DCDC2C: variants seen among roughly 807,000 people sequenced by gnomAD.
DCDC2C encodes doublecortin domain-containing protein 2C.
A neutral mutation model predicts 45.0 loss-of-function variants in DCDC2C; 44 were observed. The ratio of observed to expected loss-of-function variants is 0.98; its 90% CI spans 0.77 to 1.26. DCDC2C has a LOEUF of 1.26. Ranked by LOEUF, DCDC2C falls within the 50% of genes most tolerant of loss-of-function variation. DCDC2C has a pLI of 0.00. For missense variants in DCDC2C, 447 were observed against 468.9 expected (o/e 0.95, Z 0.43); for synonymous variants, 187 against 178.8 (o/e 1.05, Z -0.37).
In DCDC2C at chr2:3,813,063, ATATATTT is replaced by A. The variant is rs1449058374; in HGVS notation, c.1065+27965_1065+27971del. Among the ~76,000 whole-genome samples the A allele has an allele frequency of 7.1e-4, 12 of 16,794 alleles. 1 individual carries two copies. In the South Asian group the frequency reaches 8.9e-3, roughly 12 times the overall value. The allele number at this position is 16,794 out of a possible 152,430, so 11.0% of individuals were successfully genotyped here. On this transcript the variant is annotated intron_variant, in intron 10 of 10. Coordinates refer to ENST00000399143, the MANE Select transcript of DCDC2C (RefSeq NM_001287444.2). ...CGTATATATATATATATATATATAT[ATATATTT>A]TTTTTTTTTTGCTGTTTTTGAGATG...
At chr2:3,717,161 G>A (rs532256064) in intron 2 of DCDC2C, among the ~76,000 whole-genome samples, 1 of 151,930 alleles carries the variant, frequency 6.6e-6, no homozygotes, top group African/African-American at 2.4e-5. Flanking sequence ...TTCTCTTCTA[G>A]TTCAGGCCAC....
chr2:3,720,817 A>G (rs1460834026), intron 2 of DCDC2C, among the ~76,000 whole-genome samples: 1 of 152,178 alleles, frequency 6.6e-6, no homozygotes, highest in Non-Finnish European at 1.5e-5. Flanking sequence ...GGTATTTGGA[A>G]GATCTTGTCT....
chr2:3,813,850 G>T (rs1487376478), intron 10 of DCDC2C, among the ~76,000 whole-genome samples: 1 of 150,770 alleles, frequency 6.6e-6, no homozygotes, highest in Non-Finnish European at 1.5e-5. Flanking sequence ...ATGCTGATGA[G>T]TCTTGACTCT....
chr2:3,745,106 C>G (rs1485000984), intron 4 of DCDC2C, among the ~76,000 whole-genome samples: 1 of 152,172 alleles, frequency 6.6e-6, no homozygotes, highest in African/African-American at 2.4e-5. Context: ...ATGCCTCAGC[C>G]TCTGGAGTAC....
intron 4 of DCDC2C, among the ~76,000 whole-genome samples, chr2:3,750,697 C>T (rs77400370): frequency 0.026 from 3,952 of 152,222 alleles, 85 homozygotes; most frequent in Non-Finnish European, 0.04. Context: ...TGTCTGCCGG[C>T]GAGTTTTCCT....
At chr2:3,716,545 C>T (rs1668355333) in intron 2 of DCDC2C, among the ~76,000 whole-genome samples, 2 of 151,954 alleles carry the variant, frequency 1.3e-5, no homozygotes, top group South Asian at 2.1e-4. Context: ...GAGTTTTGCT[C>T]TAAAGGAAGG....
chr2:3,812,996 G>A (rs928158472), intron 10 of DCDC2C, among the ~76,000 whole-genome samples: 2 of 149,758 alleles, frequency 1.3e-5, no homozygotes, highest in East Asian at 2.0e-4. Flanking sequence ...TTCCAATTAT[G>A]TGGTCGATTT....
intron 2 of DCDC2C, among the ~76,000 whole-genome samples, chr2:3,717,165 A>G (rs888687838): frequency 6.6e-6 from 1 of 151,922 alleles, no homozygotes; most frequent in Non-Finnish European, 1.5e-5. Flanking sequence ...CTTCTAGTTC[A>G]GGCCACCCCC....
intron 9 of DCDC2C, among the ~76,000 whole-genome samples, chr2:3,782,481 C>CTT (rs35616710): frequency 2.1e-5 from 3 of 143,590 alleles, no homozygotes; most frequent in Non-Finnish European, 3.1e-5. Context: ...TTCTTCAGTT[C>CTT]TTTTTTTTTT....
At chr2:3,827,233 G>A (rs1230688966) in intron 10 of DCDC2C, among the ~76,000 whole-genome samples, 2 of 152,130 alleles carry the variant, frequency 1.3e-5, no homozygotes, top group Admixed American at 6.5e-5. Flanking sequence ...CTGCCTGAAG[G>A]CTACATATGG....
chr2:3,815,258 C>T lies in DCDC2C; in HGVS notation c.1065+30158C>T, dbSNP rs79663602. 1.8e-3 allele frequency among the ~76,000 whole-genome samples: 273 copies of T among 152,376 alleles called. 5 individuals are homozygous for T. The East Asian group carries it at 0.044, about 25-fold the overall frequency. ...GCTGGGTAGCACGCTCACTCACTGC[C>T]TCCCTTTGCTGGTGGGGAGGGGGCT... On this transcript the variant is annotated intron_variant, in intron 10 of 10. Coordinates refer to ENST00000399143, the MANE Select transcript of DCDC2C (RefSeq NM_001287444.2).
intron 1 of DCDC2C, among the ~76,000 whole-genome samples, chr2:3,706,522 G>C (rs1668068658): frequency 6.6e-6 from 1 of 151,076 alleles, no homozygotes; most frequent in African/African-American, 2.4e-5. Flanking sequence ...TCTAAATCAG[G>C]GTGTTGTGTA....
In DCDC2C at chr2:3,708,291, C is replaced by T. The variant is rs116507885; in HGVS notation, c.288-258C>T. 3.7e-3 allele frequency among the ~76,000 whole-genome samples: 556 copies of T among 152,196 alleles called. 7 individuals carry two copies. The highest frequency in any genetic ancestry group is 0.011 in the African/African-American group (448 of 41,518). On this transcript the variant is annotated intron_variant, in intron 1 of 10. Transcript: ENST00000399143. The stretch of plus-strand genomic sequence containing the variant: ...CTCAGGTTTCTCTTTAATAAAATTA[C>T]GTGAGGGAAAGCAATGTCACTTAAG...
intron 10 of DCDC2C, among the ~76,000 whole-genome samples, chr2:3,829,504 T>C (rs186302306): frequency 1.1e-3 from 166 of 152,250 alleles, no homozygotes; most frequent in Non-Finnish European, 1.8e-3. Flanking sequence ...ACCTGCCTTT[T>C]TGATCACATG....
rs576253462 is a variant in DCDC2C, at chr2:3,844,715, T to C, written c.1066-2439T>C. 15 of 152,346 alleles carry C rather than the reference T, an allele frequency of 9.8e-5. No individual in the cohort carries two copies. The South Asian group carries it at 1.2e-3, about 13-fold the overall frequency. The allele number at this position is 152,346 out of a possible 1,614,324, so 9.4% of individuals were successfully genotyped here. A position where few individuals can be genotyped will look rare whatever the true frequency, so the allele number is the denominator to read the frequency against. On this transcript the variant is annotated intron_variant, in intron 10 of 10. Coordinates refer to ENST00000399143, the MANE Select transcript of DCDC2C (RefSeq NM_001287444.2). The stretch of plus-strand genomic sequence containing the variant: ...AGACTTTAAGTTTTTAAACACATGT[T>C]GTAAGCCGAAATTCATGTGGAATTC...
At chr2:3,792,535 T>C (rs1670842170) in intron 10 of DCDC2C, among the ~76,000 whole-genome samples, 1 of 152,142 alleles carries the variant, frequency 6.6e-6, no homozygotes, top group African/African-American at 2.4e-5. Flanking sequence ...CAAATTATAA[T>C]TATATATATA....
chr2:3,840,103 A>G (rs367983600), intron 10 of DCDC2C, among the ~76,000 whole-genome samples: 3 of 152,314 alleles, frequency 2.0e-5, no homozygotes, highest in African/African-American at 4.8e-5. Context: ...TGTGTGTTTT[A>G]TCTTGCGAGT....
chr2:3,760,309 C>T (rs1669843299), intron 6 of DCDC2C, among the ~76,000 whole-genome samples: 1 of 152,196 alleles, frequency 6.6e-6, no homozygotes. Context: ...TACCATTTGA[C>T]CCAGCAATCC....
At chr2:3,704,687 G>T (rs1400430931) in intron 1 of DCDC2C, among the ~76,000 whole-genome samples, 1 of 40,818 alleles carries the variant, frequency 2.4e-5, no homozygotes, top group Non-Finnish European at 4.5e-5. Context: ...GGGGGGCGTG[G>T]GGAGGAGTGT....
Sources: allele counts gnomAD v4.1 joint callset (sites outside exome capture counted in the v4.1 genomes callset), GRCh38; gene constraint gnomAD v4.1.1; transcripts MANE v1.5; gene names NCBI Gene and HGNC (gene_info 2026-07-23, HGNC 2026-07-21).